The following LRRC4C variants were observed in gnomAD, a reference collection of about 807,000 sequenced individuals.
LRRC4C encodes leucine rich repeat containing 4C.
In LRRC4C, 5 loss-of-function variants were observed where a neutral mutation model predicts 33.6. That is an observed-to-expected ratio of 0.15 (90% CI 0.08 to 0.31). The LOEUF (loss-of-function observed/expected upper bound fraction) is 0.31. LRRC4C is among the 10% of genes least tolerant of loss of function. The pLI is 1.00. For missense variants in LRRC4C, 560 were observed against 796.7 expected, an observed-to-expected ratio of 0.70 and a Z score of 3.58; for synonymous variants, 329 against 302.0, an observed-to-expected ratio of 1.09 and a Z score of -0.93.
At chr11:40,478,646 A>C (rs925083882) in intron 3 of LRRC4C, among the ~76,000 whole-genome samples, 2 of 152,094 alleles carry the variant, frequency 1.3e-5, no homozygotes, top group African/African-American at 4.8e-5. Context: ...GTACCCATTA[A>C]CTCGTCATTT....
At chr11:41,298,042 G>A (rs1032634379) in intron 1 of LRRC4C, among the ~76,000 whole-genome samples, 2 of 152,132 alleles carry the variant, frequency 1.3e-5, no homozygotes, top group Non-Finnish European at 2.9e-5. Context: ...TAGGAATACC[G>A]ACAGGTAAGA....
At chr11:40,790,295 TAC>T (rs992575399) in intron 2 of LRRC4C, among the ~76,000 whole-genome samples, 1 of 152,214 alleles carries the variant, frequency 6.6e-6, no homozygotes, top group African/African-American at 2.4e-5. Context: ...TTTCTAGTTC[TAC>T]ACAGACATTG....
At chr11:40,865,312 G>T (rs1169902356) in intron 2 of LRRC4C, among the ~76,000 whole-genome samples, 1 of 152,082 alleles carries the variant, frequency 6.6e-6, no homozygotes, top group Non-Finnish European at 1.5e-5. Context: ...GAAGGGGGAA[G>T]TTGGGGAGAT....
At chr11:41,322,825 A>G (rs1489189696) in intron 1 of LRRC4C, among the ~76,000 whole-genome samples, 1 of 152,194 alleles carries the variant, frequency 6.6e-6, no homozygotes, top group African/African-American at 2.4e-5. Context: ...TGCTTCCATG[A>G]TTAATGGGAC....
chr11:40,743,997 C>A (rs1365627927), intron 2 of LRRC4C, among the ~76,000 whole-genome samples: 1 of 152,052 alleles, frequency 6.6e-6, no homozygotes, highest in Non-Finnish European at 1.5e-5. Context: ...TCAGGAAAGC[C>A]TGCACTAACC....
intron 3 of LRRC4C, among the ~76,000 whole-genome samples, chr11:40,554,209 T>G (rs1369335207): frequency 1.3e-5 from 2 of 152,176 alleles, no homozygotes; most frequent in African/African-American, 4.8e-5. Flanking sequence ...CCTTTCACCA[T>G]GTTTATTTTT....
chr11:40,780,081 C>G (rs1019887975), intron 2 of LRRC4C, among the ~76,000 whole-genome samples: 1 of 152,114 alleles, frequency 6.6e-6, no homozygotes, highest in African/African-American at 2.4e-5. Flanking sequence ...CCTAAGCCTA[C>G]AATCTAGTTC....
chr11:40,892,202 A>G (rs909041608), intron 2 of LRRC4C, among the ~76,000 whole-genome samples: 2 of 151,968 alleles, frequency 1.3e-5, no homozygotes, highest in Non-Finnish European at 2.9e-5. Context: ...AGAGTATCAT[A>G]TGATCCAGCA....
chr11:41,181,000 T>C (rs1945424556), intron 1 of LRRC4C, among the ~76,000 whole-genome samples: 2 of 152,064 alleles, frequency 1.3e-5, no homozygotes, highest in Non-Finnish European at 2.9e-5. Context: ...TTACCAGTTC[T>C]CATCTTTGGG....
intron 1 of LRRC4C, among the ~76,000 whole-genome samples, chr11:41,102,100 A>G (rs1941225209): frequency 1.3e-5 from 2 of 152,064 alleles, no homozygotes; most frequent in Admixed American, 6.6e-5. Flanking sequence ...GTTTTCCTAT[A>G]TAACAAACCC....
chr11:40,891,888 C>G (rs1408910987), intron 2 of LRRC4C, among the ~76,000 whole-genome samples: 2 of 152,072 alleles, frequency 1.3e-5, no homozygotes. Context: ...ATAATCCCAG[C>G]ACTTTGGGAG....
intron 1 of LRRC4C, among the ~76,000 whole-genome samples, chr11:41,354,734 A>G (rs1952098697): frequency 6.6e-6 from 1 of 152,058 alleles, no homozygotes; most frequent in Admixed American, 6.6e-5. Context: ...TCTTCAACAA[A>G]GTCAATAATA....
At chr11:40,995,216 C>A (rs1853883859) in intron 1 of LRRC4C, among the ~76,000 whole-genome samples, 1 of 152,038 alleles carries the variant, frequency 6.6e-6, no homozygotes, top group South Asian at 2.1e-4. Flanking sequence ...CAAAATGTTT[C>A]TAAAAAATAA....
At chr11:41,082,011 G>T (rs1939610816) in intron 1 of LRRC4C, among the ~76,000 whole-genome samples, 1 of 152,070 alleles carries the variant, frequency 6.6e-6, no homozygotes, top group Non-Finnish European at 1.5e-5. Context: ...ATTTATTTCA[G>T]ATGGCAGCCT....
intron 3 of LRRC4C, among the ~76,000 whole-genome samples, chr11:40,345,569 A>C (rs140936835): frequency 5.9e-5 from 9 of 152,310 alleles, no homozygotes; most frequent in African/African-American, 2.2e-4. Flanking sequence ...TAAATACTTA[A>C]ATGTAATACC....
At chr11:40,776,332 T>C (rs867342267) in intron 2 of LRRC4C, among the ~76,000 whole-genome samples, 1 of 152,040 alleles carries the variant, frequency 6.6e-6, no homozygotes, top group Non-Finnish European at 1.5e-5. Context: ...GTATGTCTTA[T>C]AGAATTCAGC....
At chr11:41,143,882 T>A (rs186624452) in intron 1 of LRRC4C, among the ~76,000 whole-genome samples, 3,686 of 152,294 alleles carry the variant, frequency 0.024, 153 homozygotes, top group African/African-American at 0.084. Flanking sequence ...TTCTGGCATA[T>A]TCCTGGTCAA....
intron 2 of LRRC4C, among the ~76,000 whole-genome samples, chr11:40,706,241 T>C (rs985369787): frequency 9.2e-5 from 14 of 152,194 alleles, no homozygotes; most frequent in Admixed American, 2.0e-4. Flanking sequence ...ATTTTGGCTT[T>C]TCTTGACATT....
At chr11:40,478,228 T>C (rs1025144693) in intron 3 of LRRC4C, among the ~76,000 whole-genome samples, 6 of 152,338 alleles carry the variant, frequency 3.9e-5, no homozygotes, top group Non-Finnish European at 8.8e-5. Context: ...CTATTATCTA[T>C]GTTTTTAATT....
Sources: allele counts gnomAD v4.1 joint callset (sites outside exome capture counted in the v4.1 genomes callset), GRCh38; gene constraint gnomAD v4.1.1; transcripts MANE v1.5; gene names NCBI Gene and HGNC (gene_info 2026-07-23, HGNC 2026-07-21).